Variants in PDE1A observed in about 807,000 individuals in gnomAD.
PDE1A encodes dual specificity calcium/calmodulin-dependent 3',5'-cyclic nucleotide phosphodiesterase 1A.
A neutral mutation model predicts 61.7 loss-of-function variants in PDE1A; 35 were observed. The ratio of observed to expected loss-of-function variants is 0.57; its 90% confidence interval spans 0.43 to 0.75. The LOEUF (loss-of-function observed/expected upper bound fraction) is 0.75. PDE1A is among the 30% of genes least tolerant of loss of function. The pLI, the probability that PDE1A is intolerant of heterozygous loss-of-function variation, is 0.00. For missense variants in PDE1A, 597 were observed against 630.6 expected, an observed-to-expected ratio of 0.95 and a Z score of 0.57; for synonymous variants, 232 against 213.2, an observed-to-expected ratio of 1.09 and a Z score of -0.77.
At chr2:182,435,707 G>A (rs934235830) in intron 2 of PDE1A, among the ~76,000 whole-genome samples, 5 of 152,050 alleles carry the variant, frequency 3.3e-5, no homozygotes, top group African/African-American at 1.2e-4. Flanking sequence ...CTGAGACTTG[G>A]TTAGTTTCTC....
chr2:182,436,677 C>A (rs1191796618), intron 2 of PDE1A, among the ~76,000 whole-genome samples: 1 of 151,956 alleles, frequency 6.6e-6, no homozygotes, highest in Admixed American at 6.6e-5. Flanking sequence ...GTGTCAGGTA[C>A]TATACTTTAT....
rs546640242 is a variant in PDE1A at position 182,183,202 on chromosome 2, G to A, written c.1516+2690C>T. 4.6e-5 allele frequency among the ~76,000 whole-genome samples: 7 copies of A among 152,246 alleles called. No homozygotes were observed. The South Asian group carries it at 1.5e-3, about 32-fold the overall frequency. On this transcript the variant is annotated intron_variant, in intron 13 of 13. Transcript: ENST00000351439. ...GAAGAGGAATACTTCCTGCTATAGT[G>A]ATGTAAAGAAGTCGAGTTTTTTCTC...
intron 13 of PDE1A, among the ~76,000 whole-genome samples, chr2:182,174,010 C>T (rs1419082150): frequency 6.6e-6 from 1 of 151,988 alleles, no homozygotes; most frequent in African/African-American, 2.4e-5. Context: ...CTGGTGAGTA[C>T]TAATAGGCAT....
At chr2:182,408,769 G>C (rs1415973555) in intron 1 of PDE1A, among the ~76,000 whole-genome samples, 1 of 152,168 alleles carries the variant, frequency 6.6e-6, no homozygotes, top group Non-Finnish European at 1.5e-5. Context: ...TAAAGGTGGG[G>C]CTTAAATGTT....
the PDE1A span, among the ~76,000 whole-genome samples, chr2:182,552,980 G>A: frequency 0.64 from 97,369 of 152,090 alleles, 34,593 homozygotes; most frequent in East Asian, 0.95. Context: ...TGTCCGCTGT[G>A]CTCCTGATCC....
intron 1 of PDE1A, among the ~76,000 whole-genome samples, chr2:182,368,810 C>T (rs1414272945): frequency 2.0e-5 from 3 of 152,128 alleles, no homozygotes; most frequent in South Asian, 2.1e-4. Flanking sequence ...ACTCTCCTTA[C>T]AGAATTGGGA....
chr2:182,353,050 A>C (rs549437678), intron 1 of PDE1A, among the ~76,000 whole-genome samples: 1 of 152,340 alleles, frequency 6.6e-6, no homozygotes, highest in East Asian at 1.9e-4. Context: ...CATCTGGATA[A>C]GCAAAAATGT....
At chr2:182,546,622 G>C in the PDE1A span, among the ~76,000 whole-genome samples, 1 of 152,196 alleles carries the variant, frequency 6.6e-6, no homozygotes, top group African/African-American at 2.4e-5. Context: ...CCAAGAACAA[G>C]AGTTACAATC....
chr2:182,670,640 C>G, the PDE1A span, among the ~76,000 whole-genome samples: 2 of 152,128 alleles, frequency 1.3e-5, no homozygotes, highest in African/African-American at 4.8e-5. Flanking sequence ...TTAACAAGCT[C>G]TCCAGACATT....
intron 2 of PDE1A, among the ~76,000 whole-genome samples, chr2:182,263,826 AAC>A (rs1253976334): frequency 6.6e-6 from 1 of 152,164 alleles, no homozygotes; most frequent in Non-Finnish European, 1.5e-5. Context: ...GATGATCAAA[AAC>A]ACACATTTGG....
intron 2 of PDE1A, among the ~76,000 whole-genome samples, chr2:182,485,557 C>T (rs1358706745): frequency 6.6e-6 from 1 of 151,728 alleles, no homozygotes; most frequent in African/African-American, 2.4e-5. Context: ...TAAATTAAAG[C>T]AGTAAAATAT....
chr2:182,184,762 C>T (rs1011998175), intron 13 of PDE1A, among the ~76,000 whole-genome samples: 1 of 152,046 alleles, frequency 6.6e-6, no homozygotes, highest in Non-Finnish European at 1.5e-5. Flanking sequence ...TGGTCTATTC[C>T]CAAGGCCCAT....
chr2:182,426,577 C>A lies in PDE1A; in HGVS notation c.53+1G>T. ...GCCACCTGCGATGTAGCATTACTTA[C>A]CTAAAGATGGGTCTTTGGAGATGTT... On this transcript the variant is annotated splice_donor_variant, in intron 1 of 13. Transcript: ENST00000351439. LOFTEE classifies it high-confidence loss of function. 6.2e-7 allele frequency: 1 copy of A among 1,602,696 alleles called. No individual in the cohort carries two copies. The highest frequency in any genetic ancestry group is 2.2e-5 in the East Asian group (1 of 44,794).
At position 182,445,238 on chromosome 2, in the gene PDE1A, T is replaced by A. The variant is rs528310451; in HGVS notation, c.101+77038A>T. On this transcript the variant is annotated intron_variant, in intron 2 of 14. Transcript: ENST00000410103. ...ATTTCCAAAAGACAATGAGGAATTA[T>A]AAAGGAACTTCCTTCTAAGTATAGA... Among the ~76,000 whole-genome samples, 12 of 152,256 alleles carry A rather than the reference T, an allele frequency of 7.9e-5. No homozygotes were observed. The South Asian group carries it at 2.3e-3, about 29-fold the overall frequency.
At chr2:182,649,510 T>C in the PDE1A span, among the ~76,000 whole-genome samples, 3 of 145,880 alleles carry the variant, frequency 2.1e-5, no homozygotes, top group Non-Finnish European at 4.5e-5. Context: ...TGGCTGACAA[T>C]TGTAATTCCA....
intron 1 of PDE1A, among the ~76,000 whole-genome samples, chr2:182,353,638 TATTTA>T (rs979511297): frequency 6.6e-6 from 1 of 152,246 alleles, no homozygotes; most frequent in African/African-American, 2.4e-5. Flanking sequence ...GAAAATTTTA[TATTTA>T]ATTAGAATGG....
chr2:182,303,713 G>T (rs73038151), intron 1 of PDE1A, among the ~76,000 whole-genome samples: 6,804 of 152,230 alleles, frequency 0.045, 494 homozygotes, highest in African/African-American at 0.16. Context: ...ATTTAGCAAT[G>T]AAAGTACTAG....
intron 1 of PDE1A, among the ~76,000 whole-genome samples, chr2:182,347,996 C>T (rs1269603055): frequency 6.6e-6 from 1 of 152,084 alleles, no homozygotes; most frequent in Admixed American, 6.6e-5. Flanking sequence ...ATGCTATCCA[C>T]AAATGAAGTG....
At chr2:182,716,241 C>G in the PDE1A span, 736 of 152,510 alleles carry the variant, frequency 4.8e-3, 3 homozygotes, top group Admixed American at 7.1e-3. Flanking sequence ...CCACAATGCT[C>G]CGCGCCAGGC....
Sources: allele counts gnomAD v4.1 joint callset (sites outside exome capture counted in the v4.1 genomes callset), GRCh38; gene constraint gnomAD v4.1.1; transcripts MANE v1.5; gene names NCBI Gene and HGNC (gene_info 2026-07-23, HGNC 2026-07-21).